The following CFAP20DC variants were observed in gnomAD, a reference collection of about 807,000 sequenced individuals.
CFAP20DC encodes the protein CFAP20 domain containing.
Under a neutral mutation model 101.7 loss-of-function variants are expected in CFAP20DC, and 84 were observed. That is an observed-to-expected ratio of 0.83 (90% CI 0.69 to 0.99). The LOEUF is 0.99. CFAP20DC is among the 50% of genes least tolerant of loss of function. CFAP20DC has a pLI of 0.00. For missense variants in CFAP20DC, 1,007 were observed against 970.3 expected (o/e 1.04, Z -0.50); for synonymous variants, 359 against 351.2 (o/e 1.02, Z -0.25).
chr3:58,798,550 G>A (rs1263858373), intron 15 of CFAP20DC, among the ~76,000 whole-genome samples: 1 of 152,196 alleles, frequency 6.6e-6, no homozygotes, highest in East Asian at 1.9e-4. Flanking sequence ...TGACAACAAA[G>A]TATTTGAAAT....
intron 4 of CFAP20DC, among the ~76,000 whole-genome samples, chr3:58,940,654 T>A (rs1025351692): frequency 1.3e-5 from 2 of 152,244 alleles, no homozygotes; most frequent in Non-Finnish European, 2.9e-5. Flanking sequence ...ATTTGTCTAT[T>A]CTTATACCAA....
intron 12 of CFAP20DC, among the ~76,000 whole-genome samples, chr3:58,860,006 G>A (rs1387393433): frequency 1.3e-5 from 2 of 151,570 alleles, no homozygotes; most frequent in African/African-American, 2.4e-5. Context: ...GTGAAACCCC[G>A]TCTCTACTAA....
intron 13 of CFAP20DC, among the ~76,000 whole-genome samples, chr3:58,836,852 A>G (rs1256626719): frequency 6.6e-6 from 1 of 152,184 alleles, no homozygotes; most frequent in Non-Finnish European, 1.5e-5. Flanking sequence ...TAAAAACAAC[A>G]TAAGAGAAGG....
At chr3:59,021,945 G>T (rs529502922) in intron 4 of CFAP20DC, among the ~76,000 whole-genome samples, 3 of 152,014 alleles carry the variant, frequency 2.0e-5, no homozygotes, top group Non-Finnish European at 4.4e-5. Context: ...AATATAAATA[G>T]ATTTCTGACC....
chr3:58,785,973 T>G (rs952273668), intron 15 of CFAP20DC, among the ~76,000 whole-genome samples: 1 of 152,124 alleles, frequency 6.6e-6, no homozygotes, highest in African/African-American at 2.4e-5. Context: ...TTCTGGCCCT[T>G]GAAAGCCAAA....
Position 58,946,451 on chromosome 3 carries a change from G to C in CFAP20DC, c.279-8689C>G, listed in dbSNP as rs150087855. 3.6e-3 allele frequency among the ~76,000 whole-genome samples: 554 copies of C among 152,260 alleles called. 4 individuals are homozygous for C. Among genetic ancestry groups the C allele is most frequent in the African/African-American group, 0.013 (539 of 41,552 alleles). Reference sequence around the variant, plus strand: ...TATCTCTCAGTCCATTCTTCATGTGGACCAGCCATGGAGACTGAATGTCAC... The same window carrying C: ...TATCTCTCAGTCCATTCTTCATGTGCACCAGCCATGGAGACTGAATGTCAC... On this transcript the variant is annotated intron_variant, in intron 4 of 16. Transcript: ENST00000482387.
chr3:58,821,298 T>G (rs1457709535), intron 14 of CFAP20DC, among the ~76,000 whole-genome samples: 1 of 152,114 alleles, frequency 6.6e-6, no homozygotes, highest in African/African-American at 2.4e-5. Flanking sequence ...ACAAATGGGA[T>G]CTAGTTAAAC....
intron 15 of CFAP20DC, among the ~76,000 whole-genome samples, chr3:58,789,740 C>T (rs2072692728): frequency 6.6e-6 from 1 of 152,024 alleles, no homozygotes; most frequent in African/African-American, 2.4e-5. Flanking sequence ...TGGTAAAATG[C>T]TATTTTAAAA....
At chr3:58,753,633 G>C in intron 16 of CFAP20DC, 136 bp downstream of exon 16, 1 of 648,976 alleles carries the variant, frequency 1.5e-6, no homozygotes. Context: ...ATGAGGCTCA[G>C]GTTACCTCAT....
chr3:58,830,982 A>G (rs1035069241), intron 14 of CFAP20DC, among the ~76,000 whole-genome samples: 1 of 152,148 alleles, frequency 6.6e-6, no homozygotes, highest in African/African-American at 2.4e-5. Context: ...TATTGTAGAG[A>G]ATGGACTGAG....
chr3:58,929,763 C>A (rs1171582830), intron 5 of CFAP20DC, among the ~76,000 whole-genome samples: 4 of 152,192 alleles, frequency 2.6e-5, no homozygotes, highest in African/African-American at 9.6e-5. Flanking sequence ...AAGAAATGGT[C>A]AGTATGCACT....
At chr3:58,735,359 T>C (rs559613621) in intron 3 of CFAP20DC, among the ~76,000 whole-genome samples, 21 of 152,232 alleles carry the variant, frequency 1.4e-4, no homozygotes, top group Admixed American at 2.6e-4. Context: ...TTTTCCATTC[T>C]AGTGATCATC....
chr3:58,737,016 C>T (rs776827119), downstream of CFAP20DC: 5 of 299,196 alleles, frequency 1.7e-5, no homozygotes, highest in Admixed American at 2.3e-4. The surrounding 1 kb of genome is among the most constrained non-coding windows in gnomAD (Gnocchi z 4.1). Context: ...GATGAATGAA[C>T]TTTCATTTAG....
In CFAP20DC at chr3:58,742,399, G is replaced by C. The variant is rs1575527064; in HGVS notation, c.*61C>G. The C allele has an allele frequency of 6.2e-6, 9 of 1,450,108 alleles. No individual in the cohort carries two copies. Among genetic ancestry groups the C allele is most frequent in the Admixed American group, 2.4e-5 (1 of 41,460 alleles). The allele number at this position is 1,450,108 out of a possible 1,614,324, so 89.8% of individuals were successfully genotyped here. A position where few individuals can be genotyped will look rare whatever the true frequency, so the allele number is the denominator to read the frequency against. ...CATAAGTTGTGGTGACTCCTTAAGC[G>C]ACCCTGAACTGCTATTCTGCTCCAG... is the stretch of plus-strand genomic sequence containing the variant. On this transcript the variant is annotated 3_prime_UTR_variant, in exon 17 of 17. Transcript: ENST00000482387.
At chr3:58,790,775 T>C (rs1161362137) in intron 15 of CFAP20DC, among the ~76,000 whole-genome samples, 1 of 152,168 alleles carries the variant, frequency 6.6e-6, no homozygotes, top group Non-Finnish European at 1.5e-5. Context: ...TTTTAGAGAA[T>C]TCCAATTTGA....
At chr3:58,945,912 G>T (rs1192146484) in intron 4 of CFAP20DC, among the ~76,000 whole-genome samples, 2 of 151,764 alleles carry the variant, frequency 1.3e-5, no homozygotes, top group Middle Eastern at 3.4e-3. Flanking sequence ...GGCCAGGATG[G>T]TCTCAATCTC....
rs560380846 is a variant in CFAP20DC, at chr3:58,818,475, G to C, written c.2176-12019C>G. On this transcript the variant is annotated intron_variant, in intron 14 of 16. Coordinates refer to ENST00000482387, the MANE Select transcript of CFAP20DC (RefSeq NM_001394063.1). Reference sequence around the variant, plus strand: ...ACCAAGCAAATGGAAAACTGAAAAAGGCAGGGGTTGCAATCCTAGTCTCTG... The same window carrying C: ...ACCAAGCAAATGGAAAACTGAAAAACGCAGGGGTTGCAATCCTAGTCTCTG... Among the ~76,000 whole-genome samples, 26 of 151,670 alleles carry C rather than the reference G, an allele frequency of 1.7e-4. 2 individuals are homozygous for C. The highest frequency in any genetic ancestry group is 1.0e-3 in the South Asian group (5 of 4,766).
At chr3:58,952,554 C>T (rs2090233992) in intron 4 of CFAP20DC, among the ~76,000 whole-genome samples, 1 of 152,120 alleles carries the variant, frequency 6.6e-6, no homozygotes, top group Admixed American at 6.6e-5. Flanking sequence ...TTTCTATTAA[C>T]TAAAACATAA....
chr3:58,764,809 C>T (rs1470764218), intron 15 of CFAP20DC, among the ~76,000 whole-genome samples: 1 of 152,080 alleles, frequency 6.6e-6, no homozygotes, highest in Non-Finnish European at 1.5e-5. Context: ...CCTCCTTCCT[C>T]TTGAGGACTC....
Sources: gnomAD v4.1 joint callset for allele counts (sites outside exome capture counted in the v4.1 genomes callset) on GRCh38, gnomAD v4.1.1 for gene constraint, Gnocchi (gnomAD v3.1) non-coding constraint, MANE v1.5 for transcripts, NCBI Gene and HGNC (gene_info 2026-07-23, HGNC 2026-07-21) for gene names.